Variants in AGBL1 observed in about 807,000 individuals in gnomAD.
AGBL1 encodes AGBL carboxypeptidase 1, also known as cytosolic carboxypeptidase 4.
AGBL1 carries 130 observed loss-of-function variants against 118.9 expected under a neutral mutation model. That is an observed-to-expected ratio of 1.09 (90% CI 0.95 to 1.26). The LOEUF is 1.26. AGBL1 is among the 50% of genes most tolerant of loss of function. AGBL1 has a pLI of 0.00. For synonymous variants in AGBL1, 555 were observed against 478.9 expected (o/e 1.16, Z -2.08); for missense variants, 1,584 against 1,298.1 (o/e 1.22, Z -3.38).
intron 3 of AGBL1, among the ~76,000 whole-genome samples, chr15:86,149,824 A>G (rs977879916): frequency 6.6e-6 from 1 of 152,210 alleles, no homozygotes; most frequent in Non-Finnish European, 1.5e-5. Context: ...CAGAATATAT[A>G]TTCTTCTCAG....
At chr15:86,396,663 C>T (rs1276105627) in intron 17 of AGBL1, among the ~76,000 whole-genome samples, 2 of 152,044 alleles carry the variant, frequency 1.3e-5, no homozygotes, top group South Asian at 2.1e-4. Context: ...ACAGACTTTA[C>T]GAATGAGGAG....
chr15:86,868,665 C>T (rs2079673780), intron 22 of AGBL1, among the ~76,000 whole-genome samples: 4 of 152,170 alleles, frequency 2.6e-5, no homozygotes. Flanking sequence ...AACTGATTTC[C>T]ACTCACCCTG....
intron 24 of AGBL1, among the ~76,000 whole-genome samples, chr15:87,019,850 TAATAA>T (rs969391580): frequency 1.3e-5 from 2 of 150,804 alleles, no homozygotes; most frequent in African/African-American, 4.9e-5. Context: ...TTGAAAAAAA[TAATAA>T]AATAGATATA....
chr15:86,480,955 G>A (rs2082643322), intron 18 of AGBL1, among the ~76,000 whole-genome samples: 1 of 151,990 alleles, frequency 6.6e-6, no homozygotes. Flanking sequence ...AATAGCAAAA[G>A]TACTACTTGG....
chr15:86,923,088 T>C (rs115801291), intron 23 of AGBL1, among the ~76,000 whole-genome samples: 5,459 of 152,222 alleles, frequency 0.036, 313 homozygotes, highest in African/African-American at 0.12. Context: ...AGGGATGCAA[T>C]CGCTGAAGCT....
intron 23 of AGBL1, among the ~76,000 whole-genome samples, chr15:86,971,158 G>A (rs2081104293): frequency 6.6e-6 from 1 of 152,050 alleles, no homozygotes; most frequent in Non-Finnish European, 1.5e-5. Flanking sequence ...AAGTACCCAA[G>A]ATGAGCATGG....
At chr15:86,478,678 A>G (rs1391005521) in intron 18 of AGBL1, among the ~76,000 whole-genome samples, 1 of 152,222 alleles carries the variant, frequency 6.6e-6, no homozygotes, top group Non-Finnish European at 1.5e-5. Context: ...TATAGATTCA[A>G]TGCCATCCCC....
At chr15:86,733,563 A>G (rs1338752921) in intron 22 of AGBL1, among the ~76,000 whole-genome samples, 4 of 152,198 alleles carry the variant, frequency 2.6e-5, no homozygotes, top group South Asian at 2.1e-4. Flanking sequence ...CTTAGTAACT[A>G]TAATATAAGC....
chr15:87,019,513 G>A (rs2570109), intron 24 of AGBL1, among the ~76,000 whole-genome samples: 2 of 151,878 alleles, frequency 1.3e-5, no homozygotes, highest in African/African-American at 2.4e-5. Context: ...AACCTGCTCC[G>A]GAATGATTCT....
At chr15:86,693,869 T>C (rs56903854) in intron 22 of AGBL1, among the ~76,000 whole-genome samples, 1 of 152,250 alleles carries the variant, frequency 6.6e-6, no homozygotes, top group South Asian at 2.1e-4. Flanking sequence ...CCCCACTTTA[T>C]GTTTTTATTT....
chr15:86,261,197 C>T (rs1308178995), intron 9 of AGBL1, among the ~76,000 whole-genome samples: 7 of 152,190 alleles, frequency 4.6e-5, no homozygotes, highest in African/African-American at 1.7e-4. Context: ...GACTCTCCTC[C>T]CTTCAGATGC....
intron 22 of AGBL1, among the ~76,000 whole-genome samples, chr15:86,874,800 A>G (rs1348305527): frequency 1.3e-5 from 2 of 152,194 alleles, no homozygotes; most frequent in African/African-American, 4.8e-5. Flanking sequence ...CACAACACAT[A>G]TGAACCAGAC....
chr15:86,548,663 G>GCACACACACACA (rs61362688), intron 20 of AGBL1, among the ~76,000 whole-genome samples: 45 of 142,798 alleles, frequency 3.2e-4, no homozygotes, highest in African/African-American at 9.6e-4. Flanking sequence ...ACACATGCAC[G>GCACACACACACA]CACACACACA....
chr15:86,584,719 A>G (rs1051201610), intron 21 of AGBL1, among the ~76,000 whole-genome samples: 4 of 152,080 alleles, frequency 2.6e-5, no homozygotes, highest in African/African-American at 7.2e-5. Context: ...CTCTGTGAAA[A>G]ATGATATTGG....
intron 23 of AGBL1, among the ~76,000 whole-genome samples, chr15:86,956,212 A>T (rs2080928898): frequency 7.9e-6 from 1 of 126,476 alleles, no homozygotes. Context: ...TAGATAGATG[A>T]TTGATTAGAT....
At chr15:86,316,136 A>T (rs1037394891) in intron 17 of AGBL1, among the ~76,000 whole-genome samples, 2 of 152,204 alleles carry the variant, frequency 1.3e-5, no homozygotes, top group Non-Finnish European at 2.9e-5. Flanking sequence ...TCTACTAAAG[A>T]TAGACCCATG....
At chr15:86,947,194 G>T (rs560158470) in intron 23 of AGBL1, among the ~76,000 whole-genome samples, 78 of 152,284 alleles carry the variant, frequency 5.1e-4, no homozygotes, top group South Asian at 1.7e-3. Context: ...CCCGGCTCCT[G>T]TTGACTAAGT....
chr15:86,228,168 A>G (rs527428059), intron 6 of AGBL1, among the ~76,000 whole-genome samples: 3 of 152,290 alleles, frequency 2.0e-5, no homozygotes, highest in Admixed American at 6.5e-5. Context: ...TACATTGCCT[A>G]TATGTCATGT....
At chr15:86,131,938 A>T (rs1262012881) in intron 1 of AGBL1, among the ~76,000 whole-genome samples, 6 of 145,642 alleles carry the variant, frequency 4.1e-5, no homozygotes, top group Non-Finnish European at 9.0e-5. Flanking sequence ...ACAGAGCAAG[A>T]CCATGTCTCG....
Sources: allele counts gnomAD v4.1 joint callset (sites outside exome capture counted in the v4.1 genomes callset), GRCh38; gene constraint gnomAD v4.1.1; transcripts MANE v1.5; gene names NCBI Gene and HGNC (gene_info 2026-07-23, HGNC 2026-07-21).